Variants in TRIM28 observed in about 807,000 individuals in gnomAD.
The protein encoded by TRIM28 is transcription intermediary factor 1-beta.
In TRIM28, 8 loss-of-function variants were observed where a neutral mutation model predicts 87.4. The observed-to-expected ratio is 0.09, with a 90% CI of 0.05 to 0.17. The LOEUF is 0.17. Among genes scored for constraint, TRIM28 ranks in the 10% least tolerant of loss-of-function variants. TRIM28 has a pLI of 1.00. For missense variants in TRIM28, 968 were observed against 1,131.8 expected, an observed-to-expected ratio of 0.86 and a Z score of 2.08; for synonymous variants, 601 against 454.3, an observed-to-expected ratio of 1.32 and a Z score of -4.11.
rs776588392 is a variant in TRIM28 at position 58,544,956 on chromosome 19, G to A, written c.199G>A (p.Val67Met). The change falls in exon 1 of 17, where the codon GTG becomes ATG. Residue 67 changes from valine to methionine, a missense_variant. Coordinates refer to ENST00000253024, the MANE Select transcript of TRIM28 (RefSeq NM_005762.3). Reference sequence around the variant, plus strand: ...GCTGGAGCTGCTGGAGCACTGCGGCGTGTGCAGAGAGCGCCTGCGACCCGA... The same window carrying A: ...GCTGGAGCTGCTGGAGCACTGCGGCATGTGCAGAGAGCGCCTGCGACCCGA... Reference protein sequence around the residue: ...EALELLEHCGVCRERLRPERE... With the variant: ...EALELLEHCGMCRERLRPERE... 16 of 1,502,102 alleles carry A rather than the reference G, an allele frequency of 1.1e-5. No homozygotes were observed. The highest frequency in any genetic ancestry group is 1.2e-5 in the Non-Finnish European group (14 of 1,136,074). The allele number at this position is 1,502,102 out of a possible 1,614,324, so 93.0% of individuals were successfully genotyped here. A position where few individuals can be genotyped will look rare whatever the true frequency, so the allele number is the denominator to read the frequency against.
chr19:58,548,189 T>G lies in TRIM28; in HGVS notation c.1101+9T>G, dbSNP rs749845971. The G allele has an allele frequency of 1.9e-6, 3 of 1,613,884 alleles. No homozygotes were observed. Among genetic ancestry groups the G allele is most frequent in the Non-Finnish European group, 2.5e-6 (3 of 1,179,732 alleles). The stretch of plus-strand genomic sequence containing the variant: ...TGCTTTCTAAGAAGTTGGTGTGTAC[T>G]GGTGGGCTCCTGGCTGGTGGGTTCC... On this transcript the variant is annotated intron_variant, in intron 7 of 16. Transcript: ENST00000253024.
rs2122630189 is a variant in TRIM28 at position 58,548,545 on chromosome 19, C to T, written c.1276C>T (p.Pro426Ser). The T allele has an allele frequency of 6.2e-7, 1 of 1,613,936 alleles. No homozygotes were observed. Among genetic ancestry groups the T allele is most frequent in the Non-Finnish European group, 8.5e-7 (1 of 1,180,008 alleles). ...AACAGGCCCTGCACCCATGGCCCCT[C>T]CAAGAGCCCCAGGGCCCCTGAGCAA... Reference protein sequence around the residue: ...NSTGPAPMAPPRAPGPLSKQG... With the variant: ...NSTGPAPMAPSRAPGPLSKQG... The change falls in exon 9 of 17, where the codon CCA becomes TCA. Residue 426 changes from proline (P) to serine (S), a missense_variant. This residue lies in a region of TRIM28 where 119 missense variants were observed against 93.6 expected (regional missense o/e 1.27). Transcript: ENST00000253024.
Position 58,549,203 on chromosome 19 carries a change from C to T in TRIM28, c.1625C>T (p.Pro542Leu), listed in dbSNP as rs765132949. 1.6e-5 allele frequency: 26 copies of T among 1,613,756 alleles called. No individual in the cohort carries two copies. The highest frequency in any genetic ancestry group is 1.9e-5 in the Non-Finnish European group (23 of 1,179,898). The stretch of plus-strand genomic sequence containing the variant: ...CCAGGGACTGCGCCTGCAGGAACCC[C>T]TGGTGCCCCACCCCTGGCTGGCATG... ...GQPGTAPAGT[P>L]GAPPLAGMAI... The change falls in exon 12 of 17, where the codon CCT (proline) becomes CTT (leucine). Residue 542 changes from proline (P) to leucine (L), a missense_variant. Pro to Leu is a moderately conservative substitution (Grantham distance 98). Transcript: ENST00000253024. The surrounding 1 kb of genome is among the most constrained non-coding windows in gnomAD (Gnocchi z 4.4).
intron 3 of TRIM28, among the ~76,000 whole-genome samples, chr19:58,546,687 G>T (rs921196530): frequency 2.0e-5 from 3 of 152,196 alleles, no homozygotes; most frequent in Non-Finnish European, 4.4e-5. Flanking sequence ...GAGCCCTGAT[G>T]CTACATATTT....
Position 58,550,555 on chromosome 19 carries a change from G to T in TRIM28, c.*2G>T, listed in dbSNP as rs1471495874. 2 of 1,604,378 alleles carry T rather than the reference G, an allele frequency of 1.2e-6. No individual in the cohort carries two copies. Among genetic ancestry groups the T allele is most frequent in the Non-Finnish European group, 1.7e-6 (2 of 1,179,230 alleles). Reference sequence around the variant, plus strand: ...GGTGGCCCTGGTGATGGCCCCTGAGGCTGGAGCCCCCATGGCCAGCCCAGC... The same window carrying T: ...GGTGGCCCTGGTGATGGCCCCTGAGTCTGGAGCCCCCATGGCCAGCCCAGC... On this transcript the variant is annotated 3_prime_UTR_variant, in exon 17 of 17. Coordinates refer to ENST00000253024, the MANE Select transcript of TRIM28 (RefSeq NM_005762.3).
At position 58,548,349 on chromosome 19, in the gene TRIM28, A is replaced by C; in HGVS notation, c.1157A>C (p.His386Pro). ...LKMIVDPVEP[H>P]GEMKFQWDLN... is the part of the protein sequence containing the mutation. ...ATGATTGTGGATCCCGTGGAGCCACATGGCGAGATGAAGTTTCAGTGGGAC... is the reference window on the plus strand; with the variant it reads ...ATGATTGTGGATCCCGTGGAGCCACCTGGCGAGATGAAGTTTCAGTGGGAC... Residue 386 changes from histidine (H) to proline (P), a missense_variant, in exon 8 of 17, where the codon CAT becomes CCT. By Grantham distance (77) the His-to-Pro change is moderately conservative. Coordinates refer to ENST00000253024, the MANE Select transcript of TRIM28 (RefSeq NM_005762.3). 6.2e-7 allele frequency: 1 copy of C among 1,614,160 alleles called. No individual in the cohort carries two copies. Among genetic ancestry groups the C allele is most frequent in the Non-Finnish European group, 8.5e-7 (1 of 1,180,024 alleles).
chr19:58,548,635 G>C, intron 9 of TRIM28, 43 bp downstream of exon 9: 1 of 1,607,814 alleles, frequency 6.2e-7, no homozygotes. Context: ...GCAGGGAATG[G>C]GGTCCAGTAG....
At position 58,544,770 on chromosome 19, in the gene TRIM28, G is replaced by A. The variant is rs2053744577; in HGVS notation, c.13G>A (p.Ala5Thr). The stretch of plus-strand genomic sequence containing the variant: ...CGGCGGCGTGTGAATGGCGGCCTCC[G>A]CGGCGGCAGCCTCGGCAGCAGCGGC... MAAS[A>T]AAASAAAASA... The change falls in exon 1 of 17, where the codon GCG becomes ACG. Residue 5 changes from alanine to threonine, a missense_variant. Coordinates refer to ENST00000253024, the MANE Select transcript of TRIM28 (RefSeq NM_005762.3). 8.8e-7 allele frequency: 1 copy of A among 1,142,016 alleles called. No individual in the cohort carries two copies. Among genetic ancestry groups the A allele is most frequent in the African/African-American group, 1.6e-5 (1 of 60,738 alleles). 70.7% of individuals were successfully genotyped at this position (1,142,016 alleles called of 1,614,324 possible). A position where few individuals can be genotyped will look rare whatever the true frequency, so the allele number is the denominator to read the frequency against.
At position 58,548,028 on chromosome 19, in the gene TRIM28, C is replaced by T. The variant is rs1256792832; in HGVS notation, c.955-6C>T. On this transcript the variant is annotated splice_region_variant and splice_polypyrimidine_tract_variant and intron_variant, in intron 6 of 16. Coordinates refer to ENST00000253024, the MANE Select transcript of TRIM28 (RefSeq NM_005762.3). ...TCTGCTTACCTCATACACCTTCTAT[C>T]TGCAGAAGGTGACTGAGGGGCAGCA... 8 of 1,614,030 alleles carry T rather than the reference C, an allele frequency of 5.0e-6. No homozygotes were observed. In the Admixed American group the frequency reaches 1.0e-4, roughly 20 times the overall value.
chr19:58,547,443 G>C lies in TRIM28; in HGVS notation c.654G>C (p.Val218=). The C allele has an allele frequency of 6.2e-7, 1 of 1,614,040 alleles. No homozygotes were observed. The highest frequency in any genetic ancestry group is 1.1e-5 in the South Asian group (1 of 91,068). ...ACGTACACAAGCATGAACCCCTTGT[G>C]CTGTTTTGTGAGAGCTGTGATACTC... The part of the protein sequence containing the change: ...YCNVHKHEPL[V]LFCESCDTLT... Residue 218 remains valine, a synonymous_variant, in exon 4 of 17, where the codon GTG becomes GTC. Transcript: ENST00000253024.
Position 58,548,312 on chromosome 19 carries a change from C to T in TRIM28, c.1120C>T (p.Arg374Trp), listed in dbSNP as rs1019108623. 2 of 1,614,076 alleles carry T rather than the reference C, an allele frequency of 1.2e-6. No individual in the cohort carries two copies. The highest frequency in any genetic ancestry group is 1.7e-6 in the Non-Finnish European group (2 of 1,180,012). Reference protein sequence around the residue: ...SKKLIYFQLHRALKMIVDPVE... With the variant: ...SKKLIYFQLHWALKMIVDPVE... ...CAACCAGATCTACTTCCAGCTGCAC[C>T]GGGCCCTCAAGATGATTGTGGATCC... is the stretch of plus-strand genomic sequence containing the variant. Residue 374 changes from arginine (R) to tryptophan (W), a missense_variant, in exon 8 of 17, where the codon CGG becomes TGG. Physicochemically the swap from Arg to Trp is moderately radical, Grantham distance 101. This residue lies in a region of TRIM28 where 84 missense variants were observed against 139.9 expected (regional missense o/e 0.60). Transcript: ENST00000253024.
In TRIM28 at chr19:58,548,985, C is replaced by T. The variant is rs754776680; in HGVS notation, c.1410-3C>T. The T allele has an allele frequency of 1.4e-5, 23 of 1,614,068 alleles. No individual in the cohort carries two copies. Among genetic ancestry groups the T allele is most frequent in the Non-Finnish European group, 1.9e-5 (22 of 1,180,002 alleles). ...TACTCATGCCAGGTTGCTGCATCTA[C>T]AGGTCCCGCTCAGGTGAGGGCGAGG... On this transcript the variant is annotated splice_region_variant and splice_polypyrimidine_tract_variant and intron_variant, in intron 11 of 16. Coordinates refer to ENST00000253024, the MANE Select transcript of TRIM28 (RefSeq NM_005762.3).
intron 2 of TRIM28, 83 bp downstream of exon 2, chr19:58,545,620 G>A (rs2053754714): frequency 3.4e-6 from 5 of 1,483,070 alleles, no homozygotes; most frequent in Non-Finnish European, 4.6e-6. Flanking sequence ...GCTCCAGGCT[G>A]TTACTCCACT....
rs1405131937 is a variant in TRIM28 at position 58,544,898 on chromosome 19, G to C, written c.141G>C (p.Ala47=). The change falls in exon 1 of 17, where the codon GCG becomes GCC. Residue 47 remains alanine (A), a synonymous_variant. Transcript: ENST00000253024. ...SAAASASASA[A]ASSPAGGGAE... is the part of the protein sequence containing the mutation. ...CAGCCTCGGCCTCTGCCTCAGCCGC[G>C]GCGTCGTCGCCCGCGGGGGGCGGCG... The C allele has an allele frequency of 1.5e-6, 2 of 1,376,998 alleles. No homozygotes were observed. Among genetic ancestry groups the C allele is most frequent in the Admixed American group, 3.8e-5 (1 of 26,262 alleles). 85.3% of individuals were successfully genotyped at this position (1,376,998 alleles called of 1,614,324 possible). A position where few individuals can be genotyped will look rare whatever the true frequency, so the allele number is the denominator to read the frequency against.
chr19:58,550,155 C>T lies in TRIM28; in HGVS notation c.2202C>T (p.Pro734=), dbSNP rs778163708. The T allele has an allele frequency of 3.7e-5, 60 of 1,613,728 alleles. No homozygotes were observed. Among genetic ancestry groups the T allele is most frequent in the Non-Finnish European group, 4.2e-5 (50 of 1,179,978 alleles). Residue 734 remains proline (P), a synonymous_variant, in exon 16 of 17, where the codon CCC becomes CCT. Transcript: ENST00000253024. ...ATDSTFSLDQ[P]GGTLDLTLIR... ...GTGATCTCTGCCTGCAGGACCAGCCCGGTGGCACCCTGGATCTGACCCTGA... is the reference window on the plus strand; with the variant it reads ...GTGATCTCTGCCTGCAGGACCAGCCTGGTGGCACCCTGGATCTGACCCTGA...
At position 58,545,429 on chromosome 19, in the gene TRIM28, G is replaced by T. The variant is rs747007796; in HGVS notation, c.345G>T (p.Val115=). ...DGGAAGDGTV[V]DCPVCKQQCF... is the part of the protein sequence containing the mutation. ...CCACATCCCTGCTTCTCGAAGTGGTGGACTGTCCCGTGTGCAAGCAACAGT... is the reference window on the plus strand; with the variant it reads ...CCACATCCCTGCTTCTCGAAGTGGTTGACTGTCCCGTGTGCAAGCAACAGT... Residue 115 remains valine (V), a synonymous_variant, in exon 2 of 17, where the codon GTG becomes GTT. Coordinates refer to ENST00000253024, the MANE Select transcript of TRIM28 (RefSeq NM_005762.3). 5.6e-6 allele frequency: 9 copies of T among 1,610,780 alleles called. No individual in the cohort carries two copies. Among genetic ancestry groups the T allele is most frequent in the Non-Finnish European group, 7.6e-6 (9 of 1,178,178 alleles).
rs141635069 is a variant in TRIM28 at position 58,545,704 on chromosome 19, G to A, written c.454-60G>A. On this transcript the variant is annotated intron_variant, in intron 2 of 16. Transcript: ENST00000253024. ...TTAAATCTCCGGTTGTATTTTCTGG[G>A]ATGTAAACGTGGATCTATCAAGTTG... The A allele has an allele frequency of 2.1e-4, 329 of 1,577,988 alleles. No individual in the cohort carries two copies. In the Middle Eastern group the frequency reaches 4.0e-3, roughly 19 times the overall value.
rs1170305225 is a variant in TRIM28 at position 58,549,405 on chromosome 19, G to A, written c.1737G>A (p.Met579Ile). ...TEGPETKPVLMALAEGPGAEG... is the reference protein window; with the variant it reads ...TEGPETKPVLIALAEGPGAEG... The stretch of plus-strand genomic sequence containing the variant: ...GCCCTGAGACCAAACCTGTGCTTAT[G>A]GCTCTTGCGGAGGGTCCTGGTGCTG... The change falls in exon 13 of 17, where the codon ATG becomes ATA. Residue 579 changes from methionine (M) to isoleucine (I), a missense_variant. By Grantham distance (10) the Met-to-Ile change is conservative. Coordinates refer to ENST00000253024, the MANE Select transcript of TRIM28 (RefSeq NM_005762.3). This position sits in a 1 kb window ranked among gnomAD's most constrained non-coding sequence, Gnocchi z 4.4. 5.0e-6 allele frequency: 8 copies of A among 1,595,188 alleles called. No individual in the cohort carries two copies. The Admixed American group carries it at 5.1e-5, about 10-fold the overall frequency.
rs1409244603 is a variant in TRIM28, at chr19:58,549,003, G to A, written c.1425G>A (p.Glu475=). The A allele has an allele frequency of 1.2e-6, 2 of 1,614,100 alleles. No homozygotes were observed. The highest frequency in any genetic ancestry group is 2.7e-5 in the African/African-American group (2 of 75,018). The change falls in exon 12 of 17, where the codon GAG becomes GAA. Residue 475 remains glutamate (E), a synonymous_variant. Coordinates refer to ENST00000253024, the MANE Select transcript of TRIM28 (RefSeq NM_005762.3). The surrounding 1 kb of genome is among the most constrained non-coding windows in gnomAD (Gnocchi z 4.4). ...VSGVKRSRSG[E]GEVSGLMRKV... ...GCATCTACAGGTCCCGCTCAGGTGAGGGCGAGGTGAGCGGCCTTATGCGCA... is the reference window on the plus strand; with the variant it reads ...GCATCTACAGGTCCCGCTCAGGTGAAGGCGAGGTGAGCGGCCTTATGCGCA...
Sources: allele counts gnomAD v4.1 joint callset (sites outside exome capture counted in the v4.1 genomes callset), GRCh38; gene constraint gnomAD v4.1.1; regional missense constraint gnomAD v4.1.1; non-coding constraint Gnocchi (gnomAD v3.1); transcripts MANE v1.5; gene names NCBI Gene and HGNC (gene_info 2026-07-23, HGNC 2026-07-21).